GRHL2: variants seen among roughly 807,000 people sequenced by gnomAD.
GRHL2 encodes grainyhead like transcription factor 2.
Under a neutral mutation model 83.8 loss-of-function variants are expected in GRHL2, and 21 were observed. That is an observed-to-expected ratio of 0.25 (90% CI 0.18 to 0.36). The LOEUF (loss-of-function observed/expected upper bound fraction) is 0.36, where lower values mean the gene tolerates loss of function less well. Ranked by LOEUF, GRHL2 falls within the 10% of genes least tolerant of loss-of-function variation. The pLI is 1.00. For missense variants in GRHL2, 623 were observed against 781.8 expected, an observed-to-expected ratio of 0.80 and a Z score of 2.42; for synonymous variants, 280 against 278.9, an observed-to-expected ratio of 1.00 and a Z score of -0.04.
chr8:101,657,099 G>A (rs569012523), intron 14 of GRHL2, among the ~76,000 whole-genome samples: 102 of 152,294 alleles, frequency 6.7e-4, no homozygotes, highest in African/African-American at 2.3e-3. Flanking sequence ...GGCGATTCAT[G>A]GATCATACCT....
At chr8:101,586,065 C>CTTTTTTTTTTTTTTTTG (rs1812158893) in intron 7 of GRHL2, among the ~76,000 whole-genome samples, 1 of 94,382 alleles carries the variant, frequency 1.1e-5, no homozygotes, top group Admixed American at 1.2e-4. Flanking sequence ...CCTCATGTTT[C>CTTTTTTTTTTTTTTTTG]TTTTTTTTTT....
At chr8:101,565,477 T>C (rs1811698838) in intron 4 of GRHL2, among the ~76,000 whole-genome samples, 1 of 152,226 alleles carries the variant, frequency 6.6e-6, no homozygotes, top group Non-Finnish European at 1.5e-5. Flanking sequence ...AAAACACTGA[T>C]GCATGTCTGT....
At position 101,558,422 on chromosome 8, in the gene GRHL2, C is replaced by G. The variant is rs1811531409; in HGVS notation, c.288C>G (p.Asn96Lys). The change falls in exon 4 of 16, where the codon AAC becomes AAG. Residue 96 changes from asparagine to lysine, a missense_variant. By Grantham distance (94) the Asn-to-Lys change is moderately conservative (BLOSUM62 0). Transcript: ENST00000646743. ...SDSQEDQEKR[N>K]CLGTSEAQSN... is the part of the protein sequence containing the mutation. ...TGCGGGGGGTTTCAACACACAGAAACTGCCTTGGCACCAGTGAAGCCCAGA... is the reference window on the plus strand; with the variant it reads ...TGCGGGGGGTTTCAACACACAGAAAGTGCCTTGGCACCAGTGAAGCCCAGA... The G allele has an allele frequency of 6.2e-7, 1 of 1,613,994 alleles. No individual in the cohort carries two copies.
chr8:101,622,537 GATAGGAGGGGT>G (rs1812986870), intron 9 of GRHL2, among the ~76,000 whole-genome samples: 2 of 152,116 alleles, frequency 1.3e-5, no homozygotes. Flanking sequence ...AATTGGGAAG[GATAGGAGGGGT>G]ATATGAGAAA....
chr8:101,575,771 G>A (rs191553843), intron 6 of GRHL2, among the ~76,000 whole-genome samples: 102 of 152,192 alleles, frequency 6.7e-4, no homozygotes, highest in South Asian at 3.7e-3. Flanking sequence ...AGGAAGCCAC[G>A]CAGTAAACTT....
intron 2 of GRHL2, among the ~76,000 whole-genome samples, chr8:101,551,950 C>T (rs1043743046): frequency 4.0e-5 from 6 of 151,622 alleles, no homozygotes; most frequent in African/African-American, 1.5e-4. Flanking sequence ...ATTCTCTGGC[C>T]TCAGCCTCCT....
At chr8:101,631,171 A>C (rs567620471) in intron 9 of GRHL2, among the ~76,000 whole-genome samples, 2 of 152,302 alleles carry the variant, frequency 1.3e-5, no homozygotes, top group African/African-American at 4.8e-5. Context: ...CACCACTGTA[A>C]TAATTTTTTA....
At chr8:101,678,223 C>T in the GRHL2 span, among the ~76,000 whole-genome samples, 17,644 of 152,126 alleles carry the variant, frequency 0.12, 1,123 homozygotes, top group South Asian at 0.2. Context: ...TCAGTGGGTG[C>T]GCGCACCGTG....
intron 4 of GRHL2, among the ~76,000 whole-genome samples, chr8:101,564,177 T>C (rs1811666179): frequency 6.6e-6 from 1 of 152,230 alleles, no homozygotes. Context: ...GAAATCAGTG[T>C]TTACATGGCA....
At chr8:101,494,846 G>A (rs1810062331) in intron 1 of GRHL2, among the ~76,000 whole-genome samples, 1 of 152,136 alleles carries the variant, frequency 6.6e-6, no homozygotes, top group Non-Finnish European at 1.5e-5. Context: ...TAAGTATCTG[G>A]GATTACATAT....
chr8:101,662,374 C>G (rs1697828721), intron 14 of GRHL2, among the ~76,000 whole-genome samples: 2 of 152,184 alleles, frequency 1.3e-5, no homozygotes, highest in African/African-American at 4.8e-5. Context: ...CTCACCTGTT[C>G]CATGCCTTTG....
intron 1 of GRHL2, among the ~76,000 whole-genome samples, chr8:101,540,889 T>C (rs1423967049): frequency 2.0e-5 from 3 of 152,172 alleles, no homozygotes; most frequent in Non-Finnish European, 4.4e-5. Flanking sequence ...GGATGCATTG[T>C]ATAGTGATGA....
chr8:101,619,962 A>G (rs1283527647), intron 9 of GRHL2, among the ~76,000 whole-genome samples: 2 of 149,298 alleles, frequency 1.3e-5, no homozygotes, highest in Non-Finnish European at 3.0e-5. Flanking sequence ...TCAGGCTGCT[A>G]TAACAAAAAA....
chr8:101,648,570 G>A (rs543601098), intron 13 of GRHL2, among the ~76,000 whole-genome samples: 146 of 152,252 alleles, frequency 9.6e-4, no homozygotes, highest in Middle Eastern at 3.4e-3. Flanking sequence ...GTTTCGCAGA[G>A]AAGACCAAGG....
chr8:101,573,913 A>C, intron 6 of GRHL2, 89 bp downstream of exon 6: 1 of 1,417,632 alleles, frequency 7.1e-7, no homozygotes, highest in South Asian at 1.2e-5. Context: ...ATGGAAAAAA[A>C]ATAAAACCTT....
At chr8:101,596,320 G>A (rs1014051403) in intron 7 of GRHL2, among the ~76,000 whole-genome samples, 11 of 152,018 alleles carry the variant, frequency 7.2e-5, no homozygotes, top group Non-Finnish European at 1.0e-4. Flanking sequence ...ATGCATATGC[G>A]CTGTTACTGT....
downstream of GRHL2, among the ~76,000 whole-genome samples, chr8:101,672,593 G>A (rs563103627): frequency 8.6e-5 from 13 of 151,968 alleles, no homozygotes; most frequent in Non-Finnish European, 1.6e-4. Context: ...GTACCTGAAA[G>A]TGATGGGGAG....
intron 9 of GRHL2, among the ~76,000 whole-genome samples, chr8:101,628,246 T>A (rs1586155870): frequency 6.6e-6 from 1 of 152,164 alleles, no homozygotes; most frequent in South Asian, 2.1e-4. Context: ...AGCTGCTCTC[T>A]TAAAGTTGAA....
At chr8:101,523,483 T>C (rs1271148773) in intron 1 of GRHL2, among the ~76,000 whole-genome samples, 2 of 151,862 alleles carry the variant, frequency 1.3e-5, no homozygotes, top group African/African-American at 4.8e-5. Context: ...GAAAGTTTTT[T>C]TTTTTTTAAG....
Sources: gnomAD v4.1 joint callset for allele counts (sites outside exome capture counted in the v4.1 genomes callset) on GRCh38, gnomAD v4.1.1 for gene constraint, MANE v1.5 for transcripts, NCBI Gene and HGNC (gene_info 2026-07-23, HGNC 2026-07-21) for gene names.